MTMR12: variants seen among roughly 807,000 people sequenced by gnomAD.
The protein encoded by MTMR12 is myotubularin related protein 12, also known as myotubularin-related protein 12.
Under a neutral mutation model 96.7 loss-of-function variants are expected in MTMR12, and 33 were observed. That is an observed-to-expected ratio of 0.34 (90% CI 0.26 to 0.46). The LOEUF (loss-of-function observed/expected upper bound fraction) is 0.46. Ranked by LOEUF, MTMR12 falls within the 20% of genes least tolerant of loss-of-function variation. The pLI is 1.00. For synonymous variants in MTMR12, 298 were observed against 327.2 expected (o/e 0.91, Z 0.96); for missense variants, 721 against 896.1 (o/e 0.80, Z 2.49).
chr5:32,260,958 C>T (rs1457945724), intron 7 of MTMR12, among the ~76,000 whole-genome samples: 3 of 151,648 alleles, frequency 2.0e-5, no homozygotes, highest in Admixed American at 6.6e-5. Context: ...GTCAGCCAGG[C>T]GCAGTGGCTC....
chr5:32,262,336 C>A (rs943822722), intron 7 of MTMR12, among the ~76,000 whole-genome samples: 1 of 152,156 alleles, frequency 6.6e-6, no homozygotes, highest in African/African-American at 2.4e-5. Context: ...CATGATGGCT[C>A]ATGCCTGTAA....
chr5:32,303,914 TGA>T (rs1160729524), intron 1 of MTMR12, among the ~76,000 whole-genome samples: 2 of 143,820 alleles, frequency 1.4e-5, no homozygotes, highest in African/African-American at 5.2e-5. Flanking sequence ...GATGAGAAAC[TGA>T]GAGTGGGTAT....
chr5:32,289,517 A>G (rs933370776), intron 1 of MTMR12, among the ~76,000 whole-genome samples: 1 of 152,192 alleles, frequency 6.6e-6, no homozygotes, highest in Non-Finnish European at 1.5e-5. Flanking sequence ...CACTGGGGAA[A>G]GGGAAATGAT....
At chr5:32,279,000 C>G (rs376503904) in intron 1 of MTMR12, among the ~76,000 whole-genome samples, 7 of 140,826 alleles carry the variant, frequency 5.0e-5, no homozygotes, top group African/African-American at 1.9e-4. Flanking sequence ...CACTTGAACC[C>G]GAGAGGCAGA....
At chr5:32,260,731 G>T (rs931996859) in intron 7 of MTMR12, among the ~76,000 whole-genome samples, 3 of 151,200 alleles carry the variant, frequency 2.0e-5, no homozygotes, top group Admixed American at 6.6e-5. Flanking sequence ...CTGCAGGGCG[G>T]GGGGGAGGGG....
rs1463761135 is a variant in MTMR12, at chr5:32,312,868, G to A, written c.-30C>T. On this transcript the variant is annotated 5_prime_UTR_variant, in exon 1 of 16. Transcript: ENST00000382142. The surrounding 1 kb of genome is among the most constrained non-coding windows in gnomAD (Gnocchi z 5.0). ...CCGCCCTGGGAAGCAGCGACGCGCG[G>A]ACGCAGAGGCGGCGGCTCGGGCTCC... The A allele has an allele frequency of 6.6e-7, 1 of 1,511,228 alleles. No homozygotes were observed. Among genetic ancestry groups the A allele is most frequent in the East Asian group, 2.8e-5 (1 of 35,824 alleles). The allele number at this position is 1,511,228 out of a possible 1,614,324, so 93.6% of individuals were successfully genotyped here. A position where few individuals can be genotyped will look rare whatever the true frequency, so the allele number is the denominator to read the frequency against.
Position 32,268,556 on chromosome 5 carries a change from T to C in MTMR12, c.583+145A>G, listed in dbSNP as rs999105620. The C allele has an allele frequency of 6.4e-4, 329 of 510,204 alleles. 1 individual carries two copies. The highest frequency in any genetic ancestry group is 2.1e-4 in the Non-Finnish European group (60 of 287,800). The allele number at this position is 510,204 out of a possible 1,614,324, so 31.6% of individuals were successfully genotyped here. A position where few individuals can be genotyped will look rare whatever the true frequency, so the allele number is the denominator to read the frequency against. ...AGGAAAGAAAATGTAGATATCTAAA[T>C]GAATCACTCAAGCAAGGGGTGACCA... On this transcript the variant is annotated intron_variant, in intron 6 of 15. Coordinates refer to ENST00000382142, the MANE Select transcript of MTMR12 (RefSeq NM_001040446.3).
chr5:32,265,588 C>A (rs528715903), intron 6 of MTMR12, among the ~76,000 whole-genome samples: 1 of 152,276 alleles, frequency 6.6e-6, no homozygotes, highest in African/African-American at 2.4e-5. Context: ...TAAGACAGCA[C>A]CCAGTTAATC....
chr5:32,245,744 C>T (rs958357476), intron 10 of MTMR12, among the ~76,000 whole-genome samples: 1 of 152,074 alleles, frequency 6.6e-6, no homozygotes, highest in Non-Finnish European at 1.5e-5. Flanking sequence ...ACAAGAATCA[C>T]TTGAACCCAG....
At chr5:32,250,850 GA>G (rs1284708136) in intron 8 of MTMR12, among the ~76,000 whole-genome samples, 1 of 151,940 alleles carries the variant, frequency 6.6e-6, no homozygotes, top group East Asian at 1.9e-4. Flanking sequence ...ACAGTAAATA[GA>G]AAAAAACAAA....
chr5:32,271,582 A>G (rs1022310002), intron 4 of MTMR12, among the ~76,000 whole-genome samples: 1 of 152,182 alleles, frequency 6.6e-6, no homozygotes, highest in South Asian at 2.1e-4. Context: ...TCTGATCAAC[A>G]TCTAGCATAT....
rs1561731774 is a variant in MTMR12 at position 32,230,249 on chromosome 5, C to T, written c.1773G>A (p.Leu591=). ...EETDHLIKNL[L]GKRISKLINS... ...TAATAAGTTTGCTAATTCTCTTGCC[C>T]AGAAGGTTTTTAATTAAATGATCTG... Residue 591 remains leucine (L), a synonymous_variant, in exon 16 of 16, where the codon CTG becomes CTA. Coordinates refer to ENST00000382142, the MANE Select transcript of MTMR12 (RefSeq NM_001040446.3). 1 of 1,614,164 alleles carries T rather than the reference C, an allele frequency of 6.2e-7. No individual in the cohort carries two copies. The highest frequency in any genetic ancestry group is 8.5e-7 in the Non-Finnish European group (1 of 1,180,014).
intron 9 of MTMR12, among the ~76,000 whole-genome samples, 191 bp from the exon 10 acceptor site, chr5:32,248,317 T>A (rs1474886312): frequency 1.3e-5 from 2 of 152,250 alleles, no homozygotes; most frequent in African/African-American, 4.8e-5. Context: ...AAAGTAAAAC[T>A]GCCTGGCCCA....
intron 1 of MTMR12, among the ~76,000 whole-genome samples, chr5:32,306,327 T>C (rs1017911094): frequency 6.6e-6 from 1 of 152,134 alleles, no homozygotes; most frequent in South Asian, 2.1e-4. Context: ...ATGAAACTTG[T>C]TGAAAGGGGA....
intron 10 of MTMR12, among the ~76,000 whole-genome samples, chr5:32,246,320 G>A (rs766836763): frequency 5.9e-5 from 9 of 152,018 alleles, no homozygotes; most frequent in Non-Finnish European, 1.2e-4. Flanking sequence ...CCACCACTAC[G>A]TCCAGCTAAT....
At chr5:32,272,413 C>T (rs1749873207) in intron 3 of MTMR12, among the ~76,000 whole-genome samples, 1 of 152,050 alleles carries the variant, frequency 6.6e-6, no homozygotes, top group Admixed American at 6.5e-5. Flanking sequence ...TTAGTTCTGT[C>T]ACTCAGGCTA....
rs140357292 is a variant in MTMR12, at chr5:32,288,929, A to G, written c.82-12187T>C. Reference sequence around the variant, plus strand: ...GGTCCAGAAGATATATCCTTGACCAATGCTTTGCAAAACAGATTTGTGAGG... The same window carrying G: ...GGTCCAGAAGATATATCCTTGACCAGTGCTTTGCAAAACAGATTTGTGAGG... On this transcript the variant is annotated intron_variant, in intron 1 of 15. Transcript: ENST00000382142. Among the ~76,000 whole-genome samples the G allele has an allele frequency of 7.8e-3, 1,184 of 152,282 alleles. 14 individuals carry two copies. The highest frequency in any genetic ancestry group is 0.027 in the African/African-American group (1,123 of 41,548).
At chr5:32,294,277 A>G (rs1246839181) in intron 1 of MTMR12, among the ~76,000 whole-genome samples, 2 of 151,682 alleles carry the variant, frequency 1.3e-5, no homozygotes, top group African/African-American at 4.8e-5. Context: ...CACTCTGTAT[A>G]TGCCTCCAGA....
At chr5:32,274,701 C>T (rs563221014) in intron 2 of MTMR12, among the ~76,000 whole-genome samples, 2 of 152,290 alleles carry the variant, frequency 1.3e-5, no homozygotes, top group Admixed American at 1.3e-4. Flanking sequence ...TCTGGCTCCA[C>T]GCTGGGAAAA....
Sources: gnomAD v4.1 joint callset for allele counts (sites outside exome capture counted in the v4.1 genomes callset) on GRCh38, gnomAD v4.1.1 for gene constraint, Gnocchi (gnomAD v3.1) non-coding constraint, MANE v1.5 for transcripts, NCBI Gene and HGNC (gene_info 2026-07-23, HGNC 2026-07-21) for gene names.